The following THSD7B variants were observed in gnomAD, a reference collection of about 807,000 sequenced individuals.
THSD7B encodes thrombospondin type 1 domain containing 7B.
A neutral mutation model predicts 213.6 loss-of-function variants in THSD7B; 138 were observed. The observed-to-expected ratio is 0.65, with a 90% CI of 0.56 to 0.74. THSD7B has a LOEUF of 0.74. THSD7B is among the 30% of genes least tolerant of loss of function. The probability of loss-of-function intolerance (pLI) is 0.00; values close to 1 mark genes in which losing one functional copy is unlikely to be tolerated. For synonymous variants in THSD7B, 742 were observed against 687.0 expected, an observed-to-expected ratio of 1.08 and a Z score of -1.25; for missense variants, 1,931 against 1,991.5, an observed-to-expected ratio of 0.97 and a Z score of 0.58.
At chr2:137,276,649 C>CTT (rs1269119607) in intron 12 of THSD7B, among the ~76,000 whole-genome samples, 1 of 152,058 alleles carries the variant, frequency 6.6e-6, no homozygotes, top group Non-Finnish European at 1.5e-5. Context: ...AGACTGCTCA[C>CTT]TTTTCTATTT....
At chr2:137,478,851 G>T (rs980123035) in intron 15 of THSD7B, among the ~76,000 whole-genome samples, 1 of 152,154 alleles carries the variant, frequency 6.6e-6, no homozygotes, top group African/African-American at 2.4e-5. Context: ...TCTGTGATTT[G>T]CTCAGTGGCT....
chr2:137,325,067 ATGT>A (rs1684338891), intron 12 of THSD7B, among the ~76,000 whole-genome samples: 1 of 152,322 alleles, frequency 6.6e-6, no homozygotes, highest in Non-Finnish European at 1.5e-5. Flanking sequence ...TCTATTCGAG[ATGT>A]TGTTGCTATA....
intron 12 of THSD7B, among the ~76,000 whole-genome samples, chr2:137,331,546 C>T (rs766616348): frequency 6.6e-6 from 1 of 152,216 alleles, no homozygotes; most frequent in Non-Finnish European, 1.5e-5. Flanking sequence ...CTGGCTTCAC[C>T]CAGTGGATCC....
At chr2:137,640,934 G>T (rs533553058) in intron 20 of THSD7B, among the ~76,000 whole-genome samples, 1 of 152,142 alleles carries the variant, frequency 6.6e-6, no homozygotes, top group Non-Finnish European at 1.5e-5. Flanking sequence ...TTTCTTCAAG[G>T]ATACTCTCAG....
At chr2:137,358,653 T>A (rs1301578102) in intron 12 of THSD7B, among the ~76,000 whole-genome samples, 1 of 152,136 alleles carries the variant, frequency 6.6e-6, no homozygotes, top group Non-Finnish European at 1.5e-5. Context: ...TGCAGTCTAT[T>A]TTTAGAGGTT....
At chr2:137,255,029 G>A (rs1682273090) in intron 10 of THSD7B, among the ~76,000 whole-genome samples, 2 of 152,060 alleles carry the variant, frequency 1.3e-5, no homozygotes, top group Admixed American at 1.3e-4. Flanking sequence ...ATGTAAACAT[G>A]CAATGTAACA....
chr2:137,652,341 A>T (rs1411709581), intron 21 of THSD7B, among the ~76,000 whole-genome samples: 1 of 152,046 alleles, frequency 6.6e-6, no homozygotes, highest in Non-Finnish European at 1.5e-5. Context: ...TGATTTGTAG[A>T]CTATTTTAGC....
intron 12 of THSD7B, among the ~76,000 whole-genome samples, chr2:137,392,995 TC>T (rs1686070755): frequency 6.6e-6 from 1 of 152,030 alleles, no homozygotes; most frequent in African/African-American, 2.4e-5. Context: ...TCCTAAAGAT[TC>T]CTAAAAATCC....
intron 12 of THSD7B, among the ~76,000 whole-genome samples, chr2:137,345,724 A>T (rs1456289295): frequency 1.3e-5 from 2 of 151,684 alleles, no homozygotes; most frequent in African/African-American, 4.8e-5. Flanking sequence ...ATAAAAGCTG[A>T]AGGAAAGAGC....
At chr2:137,154,456 A>G (rs1190898799) in intron 5 of THSD7B, among the ~76,000 whole-genome samples, 1 of 152,282 alleles carries the variant, frequency 6.6e-6, no homozygotes, top group Non-Finnish European at 1.5e-5. Context: ...CTTTAAGCAA[A>G]TATAACTTCC....
intron 17 of THSD7B, among the ~76,000 whole-genome samples, chr2:137,600,755 A>G (rs1182015777): frequency 6.6e-6 from 1 of 152,144 alleles, no homozygotes; most frequent in Non-Finnish European, 1.5e-5. Context: ...AAAACAAAAA[A>G]ACAAAATTTA....
chr2:136,946,723 C>G (rs577639099), intron 2 of THSD7B, among the ~76,000 whole-genome samples: 1 of 152,310 alleles, frequency 6.6e-6, no homozygotes, highest in South Asian at 2.1e-4. Context: ...GCTGCTGCCT[C>G]GCAGGTTGAT....
At chr2:137,254,524 G>A (rs1682259328) in intron 10 of THSD7B, among the ~76,000 whole-genome samples, 1 of 152,156 alleles carries the variant, frequency 6.6e-6, no homozygotes, top group Non-Finnish European at 1.5e-5. Flanking sequence ...TTAAGCTTCT[G>A]TCTTATTTGT....
At chr2:137,259,910 T>C (rs932760224) in intron 10 of THSD7B, among the ~76,000 whole-genome samples, 1 of 151,984 alleles carries the variant, frequency 6.6e-6, no homozygotes, top group Admixed American at 6.6e-5. Flanking sequence ...TTTCTTTATT[T>C]GTGTGTGTGC....
At chr2:137,623,149 C>T (rs1368391111) in intron 20 of THSD7B, among the ~76,000 whole-genome samples, 2 of 152,210 alleles carry the variant, frequency 1.3e-5, no homozygotes, top group Admixed American at 1.3e-4. Flanking sequence ...TGGACTTCAT[C>T]CCTGGGATGC....
intron 1 of THSD7B, among the ~76,000 whole-genome samples, chr2:136,790,180 G>A (rs911956864): frequency 6.6e-6 from 1 of 151,020 alleles, no homozygotes; most frequent in East Asian, 1.9e-4. Context: ...CTTGCCTTGG[G>A]TTTCCTTAGA....
At chr2:137,551,966 A>G (rs1680856640) in intron 15 of THSD7B, among the ~76,000 whole-genome samples, 1 of 152,152 alleles carries the variant, frequency 6.6e-6, no homozygotes, top group South Asian at 2.1e-4. Context: ...TACCCTCTTG[A>G]GAGACCAATA....
chr2:137,412,623 A>AAAAAAAAAAC (rs1573611118), intron 14 of THSD7B, among the ~76,000 whole-genome samples: 7 of 126,284 alleles, frequency 5.5e-5, no homozygotes, highest in East Asian at 2.3e-4. Flanking sequence ...AAAAAAAACA[A>AAAAAAAAAAC]AAAACAGTTT....
At chr2:137,335,927 G>A (rs1034170016) in intron 12 of THSD7B, among the ~76,000 whole-genome samples, 2 of 150,862 alleles carry the variant, frequency 1.3e-5, no homozygotes, top group Non-Finnish European at 3.0e-5. Context: ...TGATTTATTT[G>A]TTTGTATATT....
Sources: gnomAD v4.1 joint callset for allele counts (sites outside exome capture counted in the v4.1 genomes callset) on GRCh38, gnomAD v4.1.1 for gene constraint, MANE v1.5 for transcripts, NCBI Gene and HGNC (gene_info 2026-07-23, HGNC 2026-07-21) for gene names.